PSMA8: variants seen among roughly 807,000 people sequenced by gnomAD.
The protein encoded by PSMA8 is proteasome subunit alpha-type 8.
In PSMA8, 18 loss-of-function variants were observed where a neutral mutation model predicts 32.4. The observed-to-expected ratio is 0.56, with a 90% CI of 0.38 to 0.82. The LOEUF (loss-of-function observed/expected upper bound fraction) is 0.82. Among genes scored for constraint, PSMA8 ranks in the 40% least tolerant of loss-of-function variants. The pLI, the probability that PSMA8 is intolerant of heterozygous loss-of-function variation, is 0.00. For missense variants in PSMA8, 298 were observed against 300.7 expected, an observed-to-expected ratio of 0.99 and a Z score of 0.07; for synonymous variants, 104 against 98.1, an observed-to-expected ratio of 1.06 and a Z score of -0.36.
intron 6 of PSMA8, among the ~76,000 whole-genome samples, chr18:26,181,094 A>T (rs902688319): frequency 6.6e-6 from 1 of 152,344 alleles, no homozygotes; most frequent in African/African-American, 2.4e-5. Context: ...TGTGTTGAGC[A>T]AGTCTGTCAA....
rs1038217842 is a variant in PSMA8, at chr18:26,192,434, G to A, written c.*23G>A. 1 of 1,513,870 alleles carries A rather than the reference G, an allele frequency of 6.6e-7. No homozygotes were observed. Among genetic ancestry groups the A allele is most frequent in the African/African-American group, 1.5e-5 (1 of 68,682 alleles). 93.8% of individuals were successfully genotyped at this position (1,513,870 alleles called of 1,614,324 possible). On this transcript the variant is annotated 3_prime_UTR_variant, in exon 7 of 7. Transcript: ENST00000415576. ...TAATTCTTAGGATGACCACTGGGAG[G>A]TCTTAATGTTTTGTTTTATTGTACT...
At chr18:26,175,510 G>A (rs1050488643) in intron 4 of PSMA8, among the ~76,000 whole-genome samples, 1 of 152,092 alleles carries the variant, frequency 6.6e-6, no homozygotes, top group African/African-American at 2.4e-5. Flanking sequence ...GTCAGTGTAG[G>A]CTGGCCCTGG....
intron 1 of PSMA8, chr18:26,140,073 C>T: frequency 1.4e-6 from 1 of 703,034 alleles, no homozygotes; most frequent in Non-Finnish European, 2.6e-6. Flanking sequence ...GTTCACGATT[C>T]TTGTGGCCTG....
At chr18:26,161,551 A>G (rs901258070) in intron 4 of PSMA8, among the ~76,000 whole-genome samples, 2 of 152,194 alleles carry the variant, frequency 1.3e-5, no homozygotes, top group African/African-American at 4.8e-5. Context: ...CTCAGAGGCT[A>G]TGTTTTCTAG....
At chr18:26,138,815 G>T (rs969603716) in intron 1 of PSMA8, among the ~76,000 whole-genome samples, 3 of 152,178 alleles carry the variant, frequency 2.0e-5, no homozygotes, top group African/African-American at 7.2e-5. Context: ...CAATTTGATG[G>T]TTATATGGAT....
chr18:26,137,464 A>T (rs1388608299), intron 1 of PSMA8, among the ~76,000 whole-genome samples: 1 of 152,204 alleles, frequency 6.6e-6, no homozygotes, highest in Non-Finnish European at 1.5e-5. Flanking sequence ...TCTCAAAAAA[A>T]AATTGCACTT....
At chr18:26,171,410 AT>A in intron 4 of PSMA8, 1 of 1,047,074 alleles carries the variant, frequency 9.6e-7, no homozygotes, top group Non-Finnish European at 1.4e-6. Flanking sequence ...TAATGGGCTT[AT>A]TTTTAAATGA....
chr18:26,166,116 A>AAAAAG (rs958524872), intron 4 of PSMA8, among the ~76,000 whole-genome samples: 4 of 152,134 alleles, frequency 2.6e-5, no homozygotes, highest in African/African-American at 4.8e-5. Flanking sequence ...AGAAAAAGAA[A>AAAAAG]AAAAGAAAAG....
chr18:26,158,204 T>C lies in PSMA8; in HGVS notation c.437T>C (p.Leu146Ser). 1 of 1,609,420 alleles carries C rather than the reference T, an allele frequency of 6.2e-7. No homozygotes were observed. Among genetic ancestry groups the C allele is most frequent in the South Asian group, 1.1e-5 (1 of 90,580 alleles). Residue 146 changes from leucine (L) to serine (S), a missense_variant, in exon 4 of 7, where the codon TTG (leucine) becomes TCG (serine). Coordinates refer to ENST00000415576, the MANE Select transcript of PSMA8 (RefSeq NM_001025096.2). ...TTTGATGATGATGGTATCTCAAGAT[T>C]GTATCAGACAGATCCTTCTGGTACT... Reference protein sequence around the residue: ...VGFDDDGISRLYQTDPSGTYH... With the variant: ...VGFDDDGISRSYQTDPSGTYH...
chr18:26,151,814 AAT>A (rs1568057921), intron 2 of PSMA8, 42 bp from the exon 3 acceptor site: 2 of 1,557,096 alleles, frequency 1.3e-6, no homozygotes, highest in East Asian at 2.3e-5. Context: ...TATTGTAAAA[AAT>A]ATGTTTTTGT....
intron 1 of PSMA8, among the ~76,000 whole-genome samples, chr18:26,134,681 G>A (rs181438430): frequency 6.6e-4 from 100 of 152,266 alleles, no homozygotes; most frequent in African/African-American, 2.1e-3. Flanking sequence ...ATTGCTGGGC[G>A]CAGTGGCTCA....
In PSMA8 at chr18:26,171,075, C is replaced by A. The variant is rs749439535; in HGVS notation, c.478-7755C>A. ...TTCTCTGCTGAGAACTAAATTAATTCTACCCTTTAAAGGTCGATTCTTCTC... is the reference window on the plus strand; with the variant it reads ...TTCTCTGCTGAGAACTAAATTAATTATACCCTTTAAAGGTCGATTCTTCTC... On this transcript the variant is annotated intron_variant, in intron 4 of 6. Transcript: ENST00000415576. 84 of 1,559,174 alleles carry A rather than the reference C, an allele frequency of 5.4e-5. 6 individuals are homozygous for A. The highest frequency in any genetic ancestry group is 6.2e-5 in the Non-Finnish European group (72 of 1,170,054).
Position 26,192,879 on chromosome 18 carries a change from C to G in PSMA8, c.*468C>G, listed in dbSNP as rs941314058. ...TACTGATGAGTTCTTAAAATTTTGT[C>G]AGAGCCTTCTTCATTTTACAATATT... is the stretch of plus-strand genomic sequence containing the variant. On this transcript the variant is annotated 3_prime_UTR_variant, in exon 7 of 7. Coordinates refer to ENST00000415576, the MANE Select transcript of PSMA8 (RefSeq NM_001025096.2). 6.6e-6 allele frequency: 1 copy of G among 152,110 alleles called. No homozygotes were observed. Among genetic ancestry groups the G allele is most frequent in the Non-Finnish European group, 1.5e-5 (1 of 68,008 alleles). The allele number at this position is 152,110 out of a possible 1,614,324, so 9.4% of individuals were successfully genotyped here. A position where few individuals can be genotyped will look rare whatever the true frequency, so the allele number is the denominator to read the frequency against.
At chr18:26,140,129 A>G (rs1264487201) in intron 1 of PSMA8, 5 of 702,916 alleles carry the variant, frequency 7.1e-6, no homozygotes, top group Non-Finnish European at 1.0e-5. Flanking sequence ...TCTTCAGATT[A>G]GCTTCAGCAG....
At chr18:26,166,803 A>T (rs2055184116) in intron 4 of PSMA8, among the ~76,000 whole-genome samples, 1 of 152,220 alleles carries the variant, frequency 6.6e-6, no homozygotes, top group African/African-American at 2.4e-5. Flanking sequence ...AGTTGTTTCC[A>T]ATGATTTGTT....
intron 3 of PSMA8, among the ~76,000 whole-genome samples, chr18:26,152,309 G>GT (rs2055052899): frequency 6.6e-6 from 1 of 151,636 alleles, no homozygotes; most frequent in East Asian, 1.9e-4. Context: ...TTTTTGTTTT[G>GT]TTTTTTGTTT....
At chr18:26,173,559 C>CTTT (rs200356088) in intron 4 of PSMA8, among the ~76,000 whole-genome samples, 1 of 143,956 alleles carries the variant, frequency 6.9e-6, no homozygotes, top group Non-Finnish European at 1.5e-5. Flanking sequence ...TTTTTGTCTA[C>CTTT]TTTTTTTTTT....
Position 26,151,946 on chromosome 18 carries a change from A to G in PSMA8, c.318A>G (p.Val106=). ...TTACGGTTGAGGACCCAGTCACTGT[A>G]GAATACATAACTCGCTTCATAGCAA... The part of the protein sequence containing the change: ...HKLTVEDPVT[V]EYITRFIATL... The change falls in exon 3 of 7, where the codon GTA becomes GTG. Residue 106 remains valine, a synonymous_variant. Transcript: ENST00000415576. 6.2e-7 allele frequency: 1 copy of G among 1,609,518 alleles called. No homozygotes were observed. Among genetic ancestry groups the G allele is most frequent in the South Asian group, 1.1e-5 (1 of 90,070 alleles).
intron 6 of PSMA8, among the ~76,000 whole-genome samples, chr18:26,180,499 G>T (rs2055301791): frequency 6.6e-6 from 1 of 152,032 alleles, no homozygotes; most frequent in South Asian, 2.1e-4. Flanking sequence ...CAAGACAGTG[G>T]AGCTTGCCCC....
Sources: gnomAD v4.1 joint callset for allele counts (sites outside exome capture counted in the v4.1 genomes callset) on GRCh38, gnomAD v4.1.1 for gene constraint, MANE v1.5 for transcripts, NCBI Gene and HGNC (gene_info 2026-07-23, HGNC 2026-07-21) for gene names.